Variants in PRR11 observed in about 807,000 individuals in gnomAD.
PRR11 encodes the protein proline-rich protein 11.
PRR11 carries 30 observed loss-of-function variants against 45.6 expected under a neutral mutation model. That is an observed-to-expected ratio of 0.66 (90% CI 0.49 to 0.89). PRR11 has a LOEUF of 0.89. PRR11 is among the 40% of genes least tolerant of loss of function. The pLI is 0.00. For missense variants in PRR11, 373 were observed against 424.8 expected, an observed-to-expected ratio of 0.88 and a Z score of 1.07; for synonymous variants, 128 against 153.5, an observed-to-expected ratio of 0.83 and a Z score of 1.23.
Position 59,194,861 on chromosome 17 carries a change from A to T in PRR11, c.744+6A>T. 6.2e-7 allele frequency: 1 copy of T among 1,605,552 alleles called. No individual in the cohort carries two copies. Among genetic ancestry groups the T allele is most frequent in the Non-Finnish European group, 8.5e-7 (1 of 1,172,590 alleles). The stretch of plus-strand genomic sequence containing the variant: ...GTTTAGATGAAAAGAGGAAGGTAAG[A>T]TGTCATTGACCACATACATGCTCTT... On this transcript the variant is annotated splice_donor_region_variant and intron_variant, in intron 6 of 9. Transcript: ENST00000262293.
chr17:59,166,755 A>C (rs1294300670), intron 1 of PRR11, among the ~76,000 whole-genome samples: 2 of 152,144 alleles, frequency 1.3e-5, no homozygotes, highest in Admixed American at 6.5e-5. Context: ...ATATCCCGAC[A>C]TTTGTATAAA....
chr17:59,160,553 G>A (rs186220862), intron 1 of PRR11, among the ~76,000 whole-genome samples: 5 of 151,918 alleles, frequency 3.3e-5, no homozygotes, highest in East Asian at 3.9e-4. Context: ...AATTACAGGC[G>A]TGAGCCACCA....
intron 1 of PRR11, among the ~76,000 whole-genome samples, chr17:59,158,479 G>A (rs1235996481): frequency 1.3e-5 from 2 of 152,170 alleles, no homozygotes; most frequent in Non-Finnish European, 2.9e-5. Flanking sequence ...AAAAGCTAAA[G>A]TATCTAAGAG....
intron 2 of PRR11, among the ~76,000 whole-genome samples, chr17:59,176,273 G>A (rs1599697100): frequency 1.3e-5 from 2 of 152,198 alleles, no homozygotes; most frequent in South Asian, 4.1e-4. Context: ...TAGAGAGGGT[G>A]GAATTTGCAC....
rs2046859805 is a variant in PRR11, at chr17:59,195,210, G to C, written c.745-121G>C. On this transcript the variant is annotated intron_variant, in intron 6 of 9. Transcript: ENST00000262293. ...CTTTGAAGCTCTGGAATAAAAATTG[G>C]GTAGCATACTGGATATATCTTACAC... 5.6e-6 allele frequency: 4 copies of C among 713,290 alleles called. No homozygotes were observed. The South Asian group carries it at 6.9e-5, about 12-fold the overall frequency. The allele number at this position is 713,290 out of a possible 1,614,324, so 44.2% of individuals were successfully genotyped here.
rs117406309 is a variant in PRR11 at position 59,174,248 on chromosome 17, A to G, written c.128+4368A>G. The stretch of plus-strand genomic sequence containing the variant: ...CTTCATCACAACTGGGGCCTTTTGC[A>G]TTACTTAAGAGCTAAACTCGTAACC... On this transcript the variant is annotated intron_variant, in intron 2 of 9. Transcript: ENST00000262293. 9.7e-3 allele frequency among the ~76,000 whole-genome samples: 1,471 copies of G among 152,268 alleles called. 19 individuals carry two copies. The highest frequency in any genetic ancestry group is 0.027 in the South Asian group (129 of 4,830).
chr17:59,169,897 A>G lies in PRR11; in HGVS notation c.128+17A>G. 1 of 1,580,364 alleles carries G rather than the reference A, an allele frequency of 6.3e-7. No homozygotes were observed. ...ACCAGAAAGGTAAGGCTTAATGTGGAACAGAAAAAATATTAGAGAGATCTG... is the reference window on the plus strand; with the variant it reads ...ACCAGAAAGGTAAGGCTTAATGTGGGACAGAAAAAATATTAGAGAGATCTG... On this transcript the variant is annotated intron_variant, in intron 2 of 9. Transcript: ENST00000262293.
intron 2 of PRR11, among the ~76,000 whole-genome samples, chr17:59,172,107 G>A (rs1355103388): frequency 6.6e-6 from 1 of 152,198 alleles, no homozygotes; most frequent in Non-Finnish European, 1.5e-5. Flanking sequence ...TAGTGTGTAT[G>A]AAGCTATCTG....
intron 9 of PRR11, among the ~76,000 whole-genome samples, chr17:59,201,240 C>T (rs955052396): frequency 1.3e-5 from 2 of 152,166 alleles, no homozygotes; most frequent in Non-Finnish European, 2.9e-5. Flanking sequence ...AATACAGTGG[C>T]TTCACCATAT....
intron 1 of PRR11, among the ~76,000 whole-genome samples, chr17:59,166,929 C>T (rs1012865474): frequency 3.3e-5 from 5 of 151,950 alleles, no homozygotes; most frequent in South Asian, 2.1e-4. Flanking sequence ...TTTGGGAGGC[C>T]GAGGCAGGCA....
chr17:59,179,849 C>T, intron 2 of PRR11: 1 of 1,345,034 alleles, frequency 7.4e-7, no homozygotes, highest in Non-Finnish European at 1.0e-6. Context: ...GCAAAGGGAC[C>T]CACACAGGGG....
Position 59,180,599 on chromosome 17 carries a change from G to A in PRR11, c.129-4455G>A, listed in dbSNP as rs1362357526. On this transcript the variant is annotated intron_variant, in intron 2 of 9. Transcript: ENST00000262293. ...CGGCTCAAAGCAACCTCTGCCTCCC[G>A]GGTTCTAGAGATTCTCCTGTCTCAG... is the stretch of plus-strand genomic sequence containing the variant. 6.9e-5 allele frequency among the ~76,000 whole-genome samples: 10 copies of A among 145,836 alleles called. 1 individual carries two copies. The highest frequency in any genetic ancestry group is 2.1e-4 in the African/African-American group (8 of 38,240).
intron 1 of PRR11, among the ~76,000 whole-genome samples, chr17:59,158,223 A>G (rs1406366271): frequency 6.6e-6 from 1 of 152,232 alleles, no homozygotes; most frequent in East Asian, 1.9e-4. Context: ...TGGACTCTTC[A>G]AAATTATAAA....
chr17:59,195,926 A>G (rs543504526), intron 7 of PRR11, among the ~76,000 whole-genome samples: 1 of 151,996 alleles, frequency 6.6e-6, no homozygotes, highest in South Asian at 2.1e-4. Context: ...AAAAAAACTA[A>G]TTAAATTAAA....
chr17:59,158,812 C>A (rs1229621432), intron 1 of PRR11, among the ~76,000 whole-genome samples: 1 of 152,142 alleles, frequency 6.6e-6, no homozygotes, highest in Non-Finnish European at 1.5e-5. Flanking sequence ...GTAAATTAAT[C>A]AGAGAAATAT....
At chr17:59,189,301 A>C (rs899432655) in intron 4 of PRR11, among the ~76,000 whole-genome samples, 5 of 151,700 alleles carry the variant, frequency 3.3e-5, no homozygotes, top group Non-Finnish European at 7.4e-5. Flanking sequence ...CTGTCTCAAA[A>C]AATATTATTT....
chr17:59,194,679 TA>T, intron 5 of PRR11, 77 bp from the exon 6 acceptor site: 2 of 1,159,022 alleles, frequency 1.7e-6, no homozygotes, highest in Non-Finnish European at 2.5e-6. Context: ...TCTGAGTCTT[TA>T]AAAACTAGAT....
At position 59,169,756 on chromosome 17, in the gene PRR11, C is replaced by G; in HGVS notation, c.4C>G (p.Pro2Ala). The G allele has an allele frequency of 3.8e-6, 6 of 1,587,910 alleles. No individual in the cohort carries two copies. The highest frequency in any genetic ancestry group is 4.3e-6 in the Non-Finnish European group (5 of 1,173,086). ...AAAAAATTTCTCTGCAGAAATCATGCCCAAGTTCAAACAACGAAGACGAAA... is the reference window on the plus strand; with the variant it reads ...AAAAAATTTCTCTGCAGAAATCATGGCCAAGTTCAAACAACGAAGACGAAA... M[P>A]KFKQRRRKLK... is the part of the protein sequence containing the mutation. Residue 2 changes from proline (P) to alanine (A), a missense_variant, in exon 2 of 10, where the codon CCC becomes GCC. Pro to Ala is a conservative substitution (Grantham distance 27). Coordinates refer to ENST00000262293, the MANE Select transcript of PRR11 (RefSeq NM_018304.4).
chr17:59,173,225 CA>C (rs1391899313), intron 2 of PRR11, among the ~76,000 whole-genome samples: 1 of 152,152 alleles, frequency 6.6e-6, no homozygotes, highest in East Asian at 1.9e-4. Context: ...GAAAATGGAC[CA>C]ATCAGCTCTC....
Sources: gnomAD v4.1 joint callset for allele counts (sites outside exome capture counted in the v4.1 genomes callset) on GRCh38, gnomAD v4.1.1 for gene constraint, MANE v1.5 for transcripts, NCBI Gene and HGNC (gene_info 2026-07-23, HGNC 2026-07-21) for gene names.